CORO2B: variants seen among roughly 807,000 people sequenced by gnomAD.
The protein encoded by CORO2B is coronin 2B, also known as coronin-2B.
Under a neutral mutation model 58.8 loss-of-function variants are expected in CORO2B, and 26 were observed. The ratio of observed to expected loss-of-function variants is 0.44; its 90% CI spans 0.32 to 0.61. The LOEUF is 0.61. Ranked by LOEUF, CORO2B falls within the 20% of genes least tolerant of loss-of-function variation. The pLI is 0.04. For synonymous variants in CORO2B, 242 were observed against 253.8 expected (o/e 0.95, Z 0.44); for missense variants, 460 against 645.1 (o/e 0.71, Z 3.11).
intron 3 of CORO2B, among the ~76,000 whole-genome samples, chr15:68,708,131 C>T (rs1338312771): frequency 6.6e-6 from 1 of 152,076 alleles, no homozygotes; most frequent in African/African-American, 2.4e-5. Context: ...CAAGGGTGAC[C>T]CCAAACCCTT....
chr15:68,719,970 G>A (rs72750311), intron 11 of CORO2B, among the ~76,000 whole-genome samples: 2,554 of 152,344 alleles, frequency 0.017, 31 homozygotes, highest in South Asian at 0.043. Context: ...GAGACTGGGT[G>A]TTTATGAAGG....
chr15:68,545,612 C>CGGTG, the CORO2B span, among the ~76,000 whole-genome samples: 1 of 53,268 alleles, frequency 1.9e-5, no homozygotes, highest in African/African-American at 6.9e-5. Context: ...ATGCGGGGGG[C>CGGTG]GGGGGGGGTA....
chr15:68,723,116 CTTTT>C (rs767517372), intron 11 of CORO2B, among the ~76,000 whole-genome samples: 2 of 91,494 alleles, frequency 2.2e-5, no homozygotes, highest in African/African-American at 8.9e-5. Flanking sequence ...TACATACATT[CTTTT>C]TTTTTTTTTT....
chr15:68,590,932 T>C, intron 1 of CORO2B, among the ~76,000 whole-genome samples: 1 of 152,080 alleles, frequency 6.6e-6, no homozygotes. Flanking sequence ...GCCTTCCCCA[T>C]CCCTACCCTT....
At chr15:68,611,310 G>A (rs1169367639) in intron 1 of CORO2B, among the ~76,000 whole-genome samples, 4 of 152,200 alleles carry the variant, frequency 2.6e-5, no homozygotes, top group Admixed American at 6.5e-5. Context: ...TCAGAAAAGT[G>A]TAAAGATGAA....
chr15:68,675,918 G>A (rs967245399), intron 2 of CORO2B, among the ~76,000 whole-genome samples: 2 of 152,130 alleles, frequency 1.3e-5, no homozygotes, highest in Non-Finnish European at 2.9e-5. Flanking sequence ...GGAGGAGACA[G>A]ATAATAAAGT....
At chr15:68,608,525 C>T (rs886138462) in intron 1 of CORO2B, among the ~76,000 whole-genome samples, 6 of 152,186 alleles carry the variant, frequency 3.9e-5, no homozygotes, top group Admixed American at 1.3e-4. Flanking sequence ...TGAGTGTGCA[C>T]GCGTGCGTGT....
At chr15:68,716,052 G>C (rs927073331) in intron 8 of CORO2B, among the ~76,000 whole-genome samples, 7 of 152,182 alleles carry the variant, frequency 4.6e-5, no homozygotes, top group Non-Finnish European at 7.3e-5. Context: ...CAGGGCCTGA[G>C]GGCCAGCTTC....
chr15:68,567,741 G>C, the CORO2B span, among the ~76,000 whole-genome samples: 1 of 152,228 alleles, frequency 6.6e-6, no homozygotes, highest in Non-Finnish European at 1.5e-5. Context: ...GCTGTGAAAG[G>C]CTGGGCACGG....
the CORO2B span, among the ~76,000 whole-genome samples, chr15:68,555,332 C>T: frequency 2.6e-5 from 4 of 152,222 alleles, no homozygotes; most frequent in Non-Finnish European, 5.9e-5. Context: ...GAGGGGGCTC[C>T]AGTCCAGGTC....
At chr15:68,693,065 C>A (rs1470618288) in intron 2 of CORO2B, among the ~76,000 whole-genome samples, 11 of 152,182 alleles carry the variant, frequency 7.2e-5, no homozygotes, top group Non-Finnish European at 1.5e-4. Flanking sequence ...TTTTCTCTAT[C>A]CTCTAATTTT....
intron 2 of CORO2B, among the ~76,000 whole-genome samples, chr15:68,663,083 C>T (rs759784490): frequency 1.3e-5 from 2 of 152,024 alleles, no homozygotes; most frequent in Admixed American, 6.6e-5. Flanking sequence ...ATAAATGGAC[C>T]CAAACAATTC....
chr15:68,576,988 G>A (rs1388408132), upstream of CORO2B, among the ~76,000 whole-genome samples: 2 of 152,296 alleles, frequency 1.3e-5, no homozygotes, highest in East Asian at 3.9e-4. Context: ...AGGTGGCAAG[G>A]AGGTGGTGCC....
In CORO2B at chr15:68,719,534, A is replaced by G. The variant is rs773276910; in HGVS notation, c.1293A>G (p.Pro431=). The G allele has an allele frequency of 3.1e-6, 5 of 1,613,802 alleles. No homozygotes were observed. The highest frequency in any genetic ancestry group is 4.2e-6 in the Non-Finnish European group (5 of 1,179,950). The change falls in exon 11 of 12, where the codon CCA becomes CCG. Residue 431 remains proline, a synonymous_variant. Transcript: ENST00000261861. The part of the protein sequence containing the change: ...VNGIDLLENV[P]PRTENELLRM... ...GAATAGATTTATTAGAAAATGTCCC[A>G]CCCAGGACAGAGAATGAGGTAAGGA...
intron 1 of CORO2B, among the ~76,000 whole-genome samples, chr15:68,583,666 G>A (rs148293198): frequency 2.6e-5 from 4 of 152,198 alleles, no homozygotes; most frequent in Non-Finnish European, 5.9e-5. Context: ...GTCAGATGGC[G>A]AGGGGGATTA....
At chr15:68,715,365 C>T in intron 8 of CORO2B, 54 bp downstream of exon 8, 1 of 1,293,902 alleles carries the variant, frequency 7.7e-7, no homozygotes, top group South Asian at 1.2e-5. Flanking sequence ...GGGAGGACAT[C>T]TGGCCCATGG....
chr15:68,614,335 C>G (rs948248241), intron 1 of CORO2B, among the ~76,000 whole-genome samples: 14 of 152,318 alleles, frequency 9.2e-5, no homozygotes, highest in African/African-American at 3.4e-4. Context: ...GCCGTATTAT[C>G]ACATAAAATT....
the CORO2B span, among the ~76,000 whole-genome samples, chr15:68,561,991 G>A: frequency 6.6e-6 from 1 of 152,162 alleles, no homozygotes; most frequent in Admixed American, 6.5e-5. Flanking sequence ...CCCCCCACTG[G>A]CCTTGTCCCT....
the CORO2B span, among the ~76,000 whole-genome samples, chr15:68,528,512 C>G: frequency 3.9e-5 from 6 of 152,014 alleles, no homozygotes; most frequent in Non-Finnish European, 8.8e-5. Context: ...GATATATTAT[C>G]CCTTAAAATA....
Sources: allele counts gnomAD v4.1 joint callset (sites outside exome capture counted in the v4.1 genomes callset), GRCh38; gene constraint gnomAD v4.1.1; transcripts MANE v1.5; gene names NCBI Gene and HGNC (gene_info 2026-07-23, HGNC 2026-07-21).